The following GPR158 variants were observed in gnomAD, a reference collection of about 807,000 sequenced individuals.
GPR158 encodes the protein G protein-coupled receptor 158.
In GPR158, 30 loss-of-function variants were observed where a neutral mutation model predicts 78.2. That is an observed-to-expected ratio of 0.38 (90% CI 0.29 to 0.52). GPR158 has a LOEUF of 0.52. Among genes scored for constraint, GPR158 ranks in the 20% least tolerant of loss-of-function variants. GPR158 has a pLI of 0.83. For synonymous variants in GPR158, 581 were observed against 591.1 expected, an observed-to-expected ratio of 0.98 and a Z score of 0.25; for missense variants, 1,463 against 1,523.5, an observed-to-expected ratio of 0.96 and a Z score of 0.66.
intron 6 of GPR158, among the ~76,000 whole-genome samples, chr10:25,560,762 T>C (rs955369803): frequency 6.6e-6 from 1 of 152,198 alleles, no homozygotes; most frequent in Admixed American, 6.6e-5. Flanking sequence ...ATTCTTAATC[T>C]ATAATAGTAT....
chr10:25,588,464 G>A (rs1213489555), intron 7 of GPR158, among the ~76,000 whole-genome samples: 1 of 152,184 alleles, frequency 6.6e-6, no homozygotes, highest in African/African-American at 2.4e-5. Flanking sequence ...TCTGTCATGT[G>A]TGACAAAACA....
At chr10:25,196,821 A>G (rs2130649675) in intron 1 of GPR158, among the ~76,000 whole-genome samples, 1 of 152,300 alleles carries the variant, frequency 6.6e-6, no homozygotes, top group African/African-American at 2.4e-5. Flanking sequence ...GGGATGTGGC[A>G]ACTCATGTAT....
chr10:25,241,064 G>T (rs1853597694), intron 2 of GPR158, among the ~76,000 whole-genome samples: 1 of 151,786 alleles, frequency 6.6e-6, no homozygotes, highest in Non-Finnish European at 1.5e-5. Context: ...TCCTAAAGAG[G>T]TTTTGTTTTT....
chr10:25,482,337 C>G (rs1275628992), intron 5 of GPR158, among the ~76,000 whole-genome samples: 1 of 152,012 alleles, frequency 6.6e-6, no homozygotes, highest in African/African-American at 2.4e-5. Flanking sequence ...GTGTATGCCA[C>G]CACACCTGGC....
At chr10:25,343,073 C>T (rs1015091791) in intron 2 of GPR158, among the ~76,000 whole-genome samples, 2 of 152,000 alleles carry the variant, frequency 1.3e-5, no homozygotes, top group South Asian at 4.1e-4. Flanking sequence ...AGCAAACTTC[C>T]TAGTGAGGTT....
At chr10:25,197,046 G>A (rs932611448) in intron 1 of GPR158, among the ~76,000 whole-genome samples, 2 of 152,108 alleles carry the variant, frequency 1.3e-5, no homozygotes, top group Admixed American at 6.5e-5. Flanking sequence ...CTCTGGTCAG[G>A]TACTTCTCCT....
chr10:25,277,470 A>AAG (rs370403743), intron 2 of GPR158, among the ~76,000 whole-genome samples: 3,872 of 149,324 alleles, frequency 0.026, 62 homozygotes, highest in Middle Eastern at 0.12. Context: ...AAAAAAGCAA[A>AAG]AGAGAGAGAG....
At chr10:25,528,695 A>G (rs1438074801) in intron 5 of GPR158, among the ~76,000 whole-genome samples, 3 of 152,210 alleles carry the variant, frequency 2.0e-5, no homozygotes, top group Non-Finnish European at 4.4e-5. Flanking sequence ...GTTCTCTTCA[A>G]ATTGTTCTGT....
intron 3 of GPR158, among the ~76,000 whole-genome samples, chr10:25,402,770 C>A (rs1323074239): frequency 3.3e-5 from 5 of 151,656 alleles, no homozygotes; most frequent in African/African-American, 4.9e-5. Flanking sequence ...CAAAATCTAA[C>A]TTTCAGAATA....
At chr10:25,258,543 CTA>C (rs1853920955) in intron 2 of GPR158, among the ~76,000 whole-genome samples, 1 of 151,938 alleles carries the variant, frequency 6.6e-6, no homozygotes, top group African/African-American at 2.4e-5. Context: ...ATAATTTCTT[CTA>C]TGAGTTTTAA....
intron 4 of GPR158, among the ~76,000 whole-genome samples, chr10:25,442,155 C>A (rs977477811): frequency 6.6e-6 from 1 of 152,020 alleles, no homozygotes; most frequent in East Asian, 1.9e-4. Flanking sequence ...TGTTTAGCAG[C>A]GTGAAGTGAC....
chr10:25,431,428 A>T (rs1373721089), intron 4 of GPR158, among the ~76,000 whole-genome samples: 1 of 146,524 alleles, frequency 6.8e-6, no homozygotes, highest in Non-Finnish European at 1.5e-5. Flanking sequence ...AAACTAGTTC[A>T]CCCATTGTGG....
At chr10:25,490,411 G>T (rs17527943) in intron 5 of GPR158, among the ~76,000 whole-genome samples, 22 of 139,758 alleles carry the variant, frequency 1.6e-4, no homozygotes, top group South Asian at 5.0e-4. Context: ...CATCTAGTAT[G>T]AGGTATATCT....
intron 4 of GPR158, among the ~76,000 whole-genome samples, chr10:25,459,512 G>A (rs2130610268): frequency 6.6e-6 from 1 of 152,238 alleles, no homozygotes; most frequent in Non-Finnish European, 1.5e-5. Flanking sequence ...AAAAATAGCT[G>A]CCTTGTTTTA....
At chr10:25,411,061 A>G (rs189793595) in intron 3 of GPR158, among the ~76,000 whole-genome samples, 9 of 151,006 alleles carry the variant, frequency 6.0e-5, no homozygotes, top group Admixed American at 5.9e-4. Flanking sequence ...AATGTCTTTT[A>G]TGTTGAATTC....
chr10:25,397,593 T>C (rs914809644), intron 3 of GPR158, among the ~76,000 whole-genome samples: 9 of 152,198 alleles, frequency 5.9e-5, no homozygotes, highest in African/African-American at 2.2e-4. Context: ...TTCTCTCTCT[T>C]AGAAGGCACT....
intron 3 of GPR158, among the ~76,000 whole-genome samples, chr10:25,401,830 TG>T (rs1479438686): frequency 6.6e-6 from 1 of 152,122 alleles, no homozygotes; most frequent in Non-Finnish European, 1.5e-5. Flanking sequence ...GTTTTCTTTT[TG>T]CTTCCGTGTT....
intron 5 of GPR158, among the ~76,000 whole-genome samples, chr10:25,540,064 A>T (rs1412291846): frequency 6.6e-6 from 1 of 152,212 alleles, no homozygotes; most frequent in Non-Finnish European, 1.5e-5. Flanking sequence ...AAGGGCTAAT[A>T]TCCAGAATCT....
chr10:25,340,594 A>T (rs1264252594), intron 2 of GPR158, among the ~76,000 whole-genome samples: 1 of 152,078 alleles, frequency 6.6e-6, no homozygotes, highest in Non-Finnish European at 1.5e-5. Flanking sequence ...TGAGAACCCC[A>T]TGTTTAGATG....
Sources: gnomAD v4.1 joint callset for allele counts (sites outside exome capture counted in the v4.1 genomes callset) on GRCh38, gnomAD v4.1.1 for gene constraint, MANE v1.5 for transcripts, NCBI Gene and HGNC (gene_info 2026-07-23, HGNC 2026-07-21) for gene names.